Variants in KCNJ3 observed in about 807,000 individuals in gnomAD.
KCNJ3 encodes potassium inwardly rectifying channel subfamily J member 3, also known as G protein-activated inward rectifier potassium channel 1.
In KCNJ3, 4 loss-of-function variants were observed where a neutral mutation model predicts 39.2. The ratio of observed to expected loss-of-function variants is 0.10; its 90% CI spans 0.05 to 0.23. The LOEUF (loss-of-function observed/expected upper bound fraction) is 0.23, where lower values mean the gene tolerates loss of function less well. Among genes scored for constraint, KCNJ3 ranks in the 10% least tolerant of loss-of-function variants. The pLI is 1.00. For missense variants in KCNJ3, 276 were observed against 634.9 expected, an observed-to-expected ratio of 0.43 and a Z score of 6.08; for synonymous variants, 230 against 237.4, an observed-to-expected ratio of 0.97 and a Z score of 0.29.
At chr2:154,768,279 T>G (rs1193789619) in intron 2 of KCNJ3, among the ~76,000 whole-genome samples, 2 of 152,108 alleles carry the variant, frequency 1.3e-5, no homozygotes, top group South Asian at 2.1e-4. Context: ...TGTCCTGAAT[T>G]GTATTGCCTA....
At chr2:154,716,324 A>C (rs1574432500) in intron 2 of KCNJ3, among the ~76,000 whole-genome samples, 1 of 125,236 alleles carries the variant, frequency 8.0e-6, no homozygotes, top group Non-Finnish European at 1.6e-5. Context: ...ATGGGGTTTC[A>C]CCGTGTTCGC....
intron 2 of KCNJ3, among the ~76,000 whole-genome samples, chr2:154,836,856 AT>A (rs1687474293): frequency 6.6e-6 from 1 of 152,212 alleles, no homozygotes. Context: ...AACAAAATGT[AT>A]TTGAATTTCT....
intron 2 of KCNJ3, among the ~76,000 whole-genome samples, chr2:154,775,666 GT>G (rs1686320276): frequency 1.3e-5 from 2 of 152,120 alleles, no homozygotes; most frequent in African/African-American, 4.8e-5. Context: ...TGTTATAAAT[GT>G]CACTATGTAC....
intron 2 of KCNJ3, among the ~76,000 whole-genome samples, chr2:154,838,527 T>A (rs1362373640): frequency 6.6e-6 from 1 of 152,180 alleles, no homozygotes; most frequent in African/African-American, 2.4e-5. Flanking sequence ...ATAGAAACAC[T>A]TAGGATCCAG....
chr2:154,738,137 C>T (rs1325845525), intron 2 of KCNJ3, among the ~76,000 whole-genome samples: 12 of 151,968 alleles, frequency 7.9e-5, no homozygotes, highest in Non-Finnish European at 1.8e-4. Context: ...TGGATGGAAA[C>T]GGAGATCATT....
chr2:154,706,080 A>T (rs1685003454), intron 1 of KCNJ3, among the ~76,000 whole-genome samples: 1 of 152,130 alleles, frequency 6.6e-6, no homozygotes, highest in African/African-American at 2.4e-5. Flanking sequence ...ATAAACTAAA[A>T]GTCAAACTTA....
chr2:154,736,372 T>A (rs1291181768), intron 2 of KCNJ3, among the ~76,000 whole-genome samples: 2 of 62,556 alleles, frequency 3.2e-5, no homozygotes, highest in African/African-American at 6.7e-5. Flanking sequence ...AGTCACTAGT[T>A]CTAAAAAAAA....
rs77722162 is a variant in KCNJ3, at chr2:154,744,276, A to G, written c.919+34457A>G. Among the ~76,000 whole-genome samples the G allele has an allele frequency of 3.5e-3, 526 of 151,848 alleles. 18 individuals carry two copies. In the East Asian group the frequency reaches 0.073, roughly 21 times the overall value. On this transcript the variant is annotated intron_variant, in intron 2 of 2. Transcript: ENST00000295101. ...GTTGGAAACTTTTATAGCTAAATTC[A>G]TGAGGGATATTGAGGTGTGGTTTTC...
intron 2 of KCNJ3, among the ~76,000 whole-genome samples, chr2:154,759,481 A>C (rs1174211702): frequency 6.6e-6 from 1 of 152,014 alleles, no homozygotes; most frequent in Non-Finnish European, 1.5e-5. Context: ...TGTATATAGC[A>C]TCCAGATGTA....
chr2:154,749,931 C>T (rs184148300), intron 2 of KCNJ3, among the ~76,000 whole-genome samples: 1 of 152,024 alleles, frequency 6.6e-6, no homozygotes. Context: ...TATCTCCAAA[C>T]TAGCTGATTA....
At chr2:154,733,241 G>C (rs150091256) in intron 2 of KCNJ3, among the ~76,000 whole-genome samples, 302 of 152,002 alleles carry the variant, frequency 2.0e-3, no homozygotes, top group African/African-American at 6.8e-3. Context: ...TCAAGTGAAT[G>C]CTTTTTTAAA....
chr2:154,736,422 A>T (rs1397976260), intron 2 of KCNJ3, among the ~76,000 whole-genome samples: 5 of 148,678 alleles, frequency 3.4e-5, no homozygotes, highest in Non-Finnish European at 7.4e-5. Flanking sequence ...AAACCTAAAC[A>T]AAAACAAACC....
At chr2:154,826,165 C>T (rs1367499355) in intron 2 of KCNJ3, among the ~76,000 whole-genome samples, 2 of 152,002 alleles carry the variant, frequency 1.3e-5, no homozygotes, top group South Asian at 2.1e-4. Flanking sequence ...CATCCTTTGT[C>T]GTTTGGTTTC....
At chr2:154,804,562 C>A (rs1686877752) in intron 2 of KCNJ3, among the ~76,000 whole-genome samples, 1 of 152,068 alleles carries the variant, frequency 6.6e-6, no homozygotes, top group South Asian at 2.1e-4. Flanking sequence ...GAATTTTCTG[C>A]TGAATTTCTC....
At chr2:154,829,133 A>G (rs1248684724) in intron 2 of KCNJ3, among the ~76,000 whole-genome samples, 1 of 152,158 alleles carries the variant, frequency 6.6e-6, no homozygotes, top group Non-Finnish European at 1.5e-5. Context: ...ATTTATGTAT[A>G]ACTGATATTG....
At chr2:154,727,811 T>C (rs1465428079) in intron 2 of KCNJ3, among the ~76,000 whole-genome samples, 5 of 151,626 alleles carry the variant, frequency 3.3e-5, no homozygotes, top group African/African-American at 1.2e-4. Context: ...GCTGTCATAG[T>C]AGAAAAAATG....
At chr2:154,723,634 C>T (rs1012565537) in intron 2 of KCNJ3, among the ~76,000 whole-genome samples, 2 of 151,444 alleles carry the variant, frequency 1.3e-5, no homozygotes, top group East Asian at 3.9e-4. Flanking sequence ...TTGTTTTGTC[C>T]CTTTTGTGAG....
intron 2 of KCNJ3, among the ~76,000 whole-genome samples, chr2:154,736,373 C>G (rs12987396): frequency 4.7e-5 from 2 of 42,440 alleles, no homozygotes; most frequent in South Asian, 1.0e-3. Context: ...GTCACTAGTT[C>G]TAAAAAAAAA....
intron 2 of KCNJ3, among the ~76,000 whole-genome samples, chr2:154,817,950 A>G (rs1428475373): frequency 6.9e-6 from 1 of 144,406 alleles, no homozygotes; most frequent in Non-Finnish European, 1.5e-5. Flanking sequence ...TATTAATCAA[A>G]TAAGAAATTT....
Sources: allele counts gnomAD v4.1 joint callset (sites outside exome capture counted in the v4.1 genomes callset), GRCh38; gene constraint gnomAD v4.1.1; transcripts MANE v1.5; gene names NCBI Gene and HGNC (gene_info 2026-07-23, HGNC 2026-07-21).